The following CA10 variants were observed in gnomAD, a reference collection of about 807,000 sequenced individuals.
The protein encoded by CA10 is carbonic anhydrase 10 (inactive).
Under a neutral mutation model 44.2 loss-of-function variants are expected in CA10, and 14 were observed. The ratio of observed to expected loss-of-function variants is 0.32; its 90% CI spans 0.21 to 0.50. CA10 has a LOEUF of 0.50. Among genes scored for constraint, CA10 ranks in the 20% least tolerant of loss-of-function variants. The probability of loss-of-function intolerance (pLI) is 0.99; values close to 1 mark genes in which losing one functional copy is unlikely to be tolerated. For synonymous variants in CA10, 159 were observed against 141.6 expected, an observed-to-expected ratio of 1.12 and a Z score of -0.87; for missense variants, 350 against 409.7, an observed-to-expected ratio of 0.85 and a Z score of 1.26.
At chr17:51,748,180 T>C (rs1329722672) in intron 3 of CA10, among the ~76,000 whole-genome samples, 2 of 152,168 alleles carry the variant, frequency 1.3e-5, no homozygotes, top group Admixed American at 6.5e-5. Context: ...CTGTGAGAAA[T>C]TGGAGAAAGC....
intron 2 of CA10, among the ~76,000 whole-genome samples, chr17:51,954,075 C>T (rs1378970969): frequency 6.6e-6 from 1 of 152,074 alleles, no homozygotes; most frequent in Non-Finnish European, 1.5e-5. Context: ...TCTCATTTGA[C>T]AGAAAGGAAA....
At chr17:52,138,771 A>G (rs1488148195) in intron 1 of CA10, among the ~76,000 whole-genome samples, 1 of 152,216 alleles carries the variant, frequency 6.6e-6, no homozygotes, top group Non-Finnish European at 1.5e-5. Flanking sequence ...CCTTGTAAGT[A>G]CAATTTCCAA....
intron 2 of CA10, among the ~76,000 whole-genome samples, chr17:52,024,145 T>A (rs1012604265): frequency 6.6e-6 from 1 of 152,094 alleles, no homozygotes; most frequent in East Asian, 1.9e-4. Flanking sequence ...TTCTGGGATA[T>A]TTTTAAATCA....
intron 3 of CA10, among the ~76,000 whole-genome samples, chr17:51,863,875 G>A (rs889443040): frequency 5.3e-5 from 8 of 152,104 alleles, no homozygotes; most frequent in African/African-American, 9.7e-5. Context: ...ACTGCCAACC[G>A]GGAAAGCTCA....
At chr17:51,827,474 T>C (rs546206068) in intron 3 of CA10, among the ~76,000 whole-genome samples, 1 of 152,282 alleles carries the variant, frequency 6.6e-6, no homozygotes, top group Non-Finnish European at 1.5e-5. Context: ...TATGATAACA[T>C]GTAGACATTA....
intron 3 of CA10, among the ~76,000 whole-genome samples, chr17:51,824,881 C>T (rs1445113526): frequency 6.6e-6 from 1 of 152,260 alleles, no homozygotes; most frequent in African/African-American, 2.4e-5. Flanking sequence ...TTCTGACTTC[C>T]TCACTTTACT....
chr17:51,845,413 C>T (rs903252771), intron 3 of CA10, among the ~76,000 whole-genome samples: 2 of 152,186 alleles, frequency 1.3e-5, no homozygotes, highest in African/African-American at 4.8e-5. Context: ...TCTGCCATGG[C>T]CATGTGAGTG....
chr17:51,885,733 A>G (rs1980570075), intron 3 of CA10, among the ~76,000 whole-genome samples: 1 of 152,220 alleles, frequency 6.6e-6, no homozygotes, highest in African/African-American at 2.4e-5. Context: ...GACAGGGGCC[A>G]ATGCCTTCCT....
At chr17:51,809,216 T>G (rs1392538917) in intron 3 of CA10, among the ~76,000 whole-genome samples, 1 of 152,182 alleles carries the variant, frequency 6.6e-6, no homozygotes, top group Admixed American at 6.5e-5. Context: ...GAAATCAGTT[T>G]TCTCATAAAC....
chr17:51,723,301 C>T (rs142232257), intron 4 of CA10, among the ~76,000 whole-genome samples: 365 of 152,230 alleles, frequency 2.4e-3, no homozygotes, highest in African/African-American at 8.1e-3. Flanking sequence ...TAAAAATTAG[C>T]GCTGAATGTC....
intron 3 of CA10, among the ~76,000 whole-genome samples, chr17:51,894,518 A>G (rs1280232095): frequency 6.6e-6 from 1 of 152,106 alleles, no homozygotes. Flanking sequence ...CTTCTGTCTT[A>G]AGAATTTATA....
rs939932102 is a variant in CA10 at position 51,693,113 on chromosome 17, T to G, written c.466-39377A>C. Among the ~76,000 whole-genome samples, 35 of 152,342 alleles carry G rather than the reference T, an allele frequency of 2.3e-4. 1 individual carries two copies. Among genetic ancestry groups the G allele is most frequent in the Admixed American group, 1.2e-3 (18 of 15,306 alleles). On this transcript the variant is annotated intron_variant, in intron 4 of 8. Transcript: ENST00000451037. The stretch of plus-strand genomic sequence containing the variant: ...TAGTTTCAGCCAATTTGGACTAGTT[T>G]CAGCAGGGCTCAACTGGTTCCAGCT...
intron 2 of CA10, among the ~76,000 whole-genome samples, chr17:52,020,996 T>C (rs1986122006): frequency 6.6e-6 from 1 of 152,042 alleles, no homozygotes; most frequent in Admixed American, 6.6e-5. Context: ...TCTTTTTTTA[T>C]TGGTGTAGAG....
chr17:51,754,368 GCA>G (rs1205557083), intron 3 of CA10, among the ~76,000 whole-genome samples: 11 of 121,594 alleles, frequency 9.0e-5, no homozygotes, highest in African/African-American at 3.2e-4. Context: ...CAACACATGC[GCA>G]CACACACATA....
At chr17:51,995,305 A>G (rs879215844) in intron 2 of CA10, among the ~76,000 whole-genome samples, 4 of 152,120 alleles carry the variant, frequency 2.6e-5, no homozygotes, top group African/African-American at 9.6e-5. Context: ...TCATTCTTTA[A>G]TTAAAATTGT....
chr17:52,094,300 CTAAA>C (rs1321726283), intron 1 of CA10, among the ~76,000 whole-genome samples: 2 of 141,794 alleles, frequency 1.4e-5, no homozygotes, highest in Admixed American at 7.0e-5. Context: ...TAAAAAAAAC[CTAAA>C]TAAATGTATA....
At chr17:52,092,744 T>G (rs1289853444) in intron 1 of CA10, among the ~76,000 whole-genome samples, 1 of 152,218 alleles carries the variant, frequency 6.6e-6, no homozygotes, top group Non-Finnish European at 1.5e-5. Flanking sequence ...TTTCTGATGT[T>G]GAGGACCCAA....
chr17:52,129,605 T>G (rs1989188729), intron 1 of CA10, among the ~76,000 whole-genome samples: 1 of 152,190 alleles, frequency 6.6e-6, no homozygotes, highest in Non-Finnish European at 1.5e-5. Context: ...ATGTGATCCT[T>G]TTATAGTACC....
At chr17:51,749,471 C>T (rs1014745710) in intron 3 of CA10, among the ~76,000 whole-genome samples, 3 of 152,182 alleles carry the variant, frequency 2.0e-5, no homozygotes, top group South Asian at 2.1e-4. Flanking sequence ...GCCGTCTAGA[C>T]GGGCTACTCT....
Sources: allele counts gnomAD v4.1 joint callset (sites outside exome capture counted in the v4.1 genomes callset), GRCh38; gene constraint gnomAD v4.1.1; transcripts MANE v1.5; gene names NCBI Gene and HGNC (gene_info 2026-07-23, HGNC 2026-07-21).